The following GPC5 variants were observed in gnomAD, a reference collection of about 807,000 sequenced individuals.
GPC5 encodes the protein glypican 5.
Under a neutral mutation model 53.9 loss-of-function variants are expected in GPC5, and 47 were observed. The observed-to-expected ratio is 0.87, with a 90% confidence interval of 0.69 to 1.11. The LOEUF is 1.11. GPC5 is among the 50% of genes most tolerant of loss of function. The probability of loss-of-function intolerance (pLI) is 0.00; values close to 1 mark genes in which losing one functional copy is unlikely to be tolerated. For missense variants in GPC5, 748 were observed against 713.1 expected (o/e 1.05, Z -0.56); for synonymous variants, 286 against 263.3 (o/e 1.09, Z -0.84).
chr13:92,335,557 C>T (rs1288948083), intron 7 of GPC5, among the ~76,000 whole-genome samples: 1 of 152,142 alleles, frequency 6.6e-6, no homozygotes, highest in East Asian at 1.9e-4. Context: ...AATTTCTCCC[C>T]AGAAAATGGG....
At chr13:92,838,485 C>CA (rs1348914520) in intron 7 of GPC5, among the ~76,000 whole-genome samples, 1 of 145,518 alleles carries the variant, frequency 6.9e-6, no homozygotes, top group Non-Finnish European at 1.5e-5. Flanking sequence ...TCCGCGCCCC[C>CA]CCCAAAAAAA....
chr13:92,042,185 G>T (rs1188631352), intron 6 of GPC5, among the ~76,000 whole-genome samples: 1 of 152,082 alleles, frequency 6.6e-6, no homozygotes, highest in African/African-American at 2.4e-5. Context: ...CAGCCTCCAA[G>T]GTAAAGCCTT....
rs1368107910 is a variant in GPC5, at chr13:92,612,461, G to A, written c.1562-253821G>A. ...ACATATGATATAAATAAAGGAATAAGTTATTCAGTGAGGCCAGTAAAGCAT... is the reference window on the plus strand; with the variant it reads ...ACATATGATATAAATAAAGGAATAAATTATTCAGTGAGGCCAGTAAAGCAT... On this transcript the variant is annotated intron_variant, in intron 7 of 7. Transcript: ENST00000377067. Among the ~76,000 whole-genome samples, 3 of 152,152 alleles carry A rather than the reference G, an allele frequency of 2.0e-5. No individual in the cohort carries two copies. The East Asian group carries it at 5.8e-4, about 29-fold the overall frequency.
At chr13:92,761,257 C>A (rs986736900) in intron 7 of GPC5, among the ~76,000 whole-genome samples, 12 of 152,298 alleles carry the variant, frequency 7.9e-5, no homozygotes, top group Admixed American at 1.3e-4. Flanking sequence ...TAACATCAAA[C>A]TTCTGGGCTC....
chr13:92,638,539 G>A, intron 7 of GPC5, among the ~76,000 whole-genome samples: 1 of 148,570 alleles, frequency 6.7e-6, no homozygotes, highest in African/African-American at 2.4e-5. Flanking sequence ...CCCATCCCAA[G>A]TCAGCTTCCT....
At chr13:92,294,442 C>A (rs2043019404) in intron 7 of GPC5, among the ~76,000 whole-genome samples, 1 of 152,112 alleles carries the variant, frequency 6.6e-6, no homozygotes, top group African/African-American at 2.4e-5. Context: ...TTGTATCTTT[C>A]CAGGAATTTA....
At position 91,728,668 on chromosome 13, in the gene GPC5, A is replaced by T; in HGVS notation, c.1154+3A>T. 1 of 1,607,916 alleles carries T rather than the reference A, an allele frequency of 6.2e-7. No homozygotes were observed. The highest frequency in any genetic ancestry group is 8.5e-7 in the Non-Finnish European group (1 of 1,177,242). On this transcript the variant is annotated splice_donor_region_variant and intron_variant, in intron 4 of 7. Transcript: ENST00000377067. ...GAGACGCTTGCCAACAGAAGAAAGTAAGACATTTGTTTTACAACCAGAAAG... is the reference window on the plus strand; with the variant it reads ...GAGACGCTTGCCAACAGAAGAAAGTTAGACATTTGTTTTACAACCAGAAAG...
intron 6 of GPC5, among the ~76,000 whole-genome samples, chr13:92,051,951 G>C (rs553513039): frequency 6.6e-6 from 1 of 152,282 alleles, no homozygotes; most frequent in East Asian, 1.9e-4. Flanking sequence ...TGCTTTTATA[G>C]TTCCAAACCT....
At chr13:91,784,381 A>T (rs925684762) in intron 5 of GPC5, among the ~76,000 whole-genome samples, 7 of 152,176 alleles carry the variant, frequency 4.6e-5, no homozygotes, top group African/African-American at 1.7e-4. Context: ...AACAAGTTGC[A>T]AATTGGAGAA....
intron 7 of GPC5, among the ~76,000 whole-genome samples, chr13:92,234,239 C>T (rs1256130440): frequency 6.6e-6 from 1 of 152,190 alleles, no homozygotes; most frequent in African/African-American, 2.4e-5. Flanking sequence ...AGCACACTGA[C>T]TTCCACAATG....
At chr13:92,569,640 A>G (rs1882962269) in intron 7 of GPC5, among the ~76,000 whole-genome samples, 1 of 152,160 alleles carries the variant, frequency 6.6e-6, no homozygotes, top group African/African-American at 2.4e-5. Context: ...AGGGAACAGG[A>G]CAGAGACATT....
chr13:92,119,299 G>T (rs373877432), intron 6 of GPC5, among the ~76,000 whole-genome samples: 3 of 151,818 alleles, frequency 2.0e-5, no homozygotes, highest in Non-Finnish European at 2.9e-5. Context: ...GCCACAACAT[G>T]TGGGAATTAT....
At chr13:91,988,166 G>A (rs2040426314) in intron 6 of GPC5, among the ~76,000 whole-genome samples, 1 of 151,662 alleles carries the variant, frequency 6.6e-6, no homozygotes, top group Non-Finnish European at 1.5e-5. Flanking sequence ...AGAGGCAGAA[G>A]CCTTCACATT....
chr13:92,003,967 C>T (rs2040580302), intron 6 of GPC5, among the ~76,000 whole-genome samples: 1 of 152,162 alleles, frequency 6.6e-6, no homozygotes, highest in Admixed American at 6.5e-5. Flanking sequence ...AAAAGATCCT[C>T]CTACCTCCTC....
intron 6 of GPC5, among the ~76,000 whole-genome samples, chr13:92,022,398 T>C (rs541750377): frequency 6.6e-6 from 1 of 152,206 alleles, no homozygotes; most frequent in Admixed American, 6.5e-5. Flanking sequence ...AACATATGAA[T>C]AGACTGGGAA....
intron 2 of GPC5, among the ~76,000 whole-genome samples, chr13:91,529,979 A>C (rs1886263621): frequency 6.6e-6 from 1 of 152,032 alleles, no homozygotes; most frequent in Non-Finnish European, 1.5e-5. Flanking sequence ...GGTCCTTAGT[A>C]GTGACATATC....
intron 7 of GPC5, among the ~76,000 whole-genome samples, chr13:92,669,297 T>G (rs1276694627): frequency 1.3e-5 from 2 of 152,154 alleles, no homozygotes; most frequent in African/African-American, 4.8e-5. Context: ...TATTTCACCA[T>G]GACTATGCAT....
rs117771047 is a variant in GPC5, at chr13:91,848,820, G to A, written c.1281-59117G>A. On this transcript the variant is annotated intron_variant, in intron 5 of 7. Coordinates refer to ENST00000377067, the MANE Select transcript of GPC5 (RefSeq NM_004466.6). ...TATGTACTTGAAAGTCAATTGTTAC[G>A]CAAATAATTTACAAGATAGTACAAT... 2.4e-3 allele frequency among the ~76,000 whole-genome samples: 365 copies of A among 152,198 alleles called. 7 individuals carry two copies. In the East Asian group the frequency reaches 0.055, roughly 23 times the overall value.
intron 7 of GPC5, among the ~76,000 whole-genome samples, chr13:92,372,073 C>A (rs956268939): frequency 6.6e-6 from 1 of 152,096 alleles, no homozygotes; most frequent in Non-Finnish European, 1.5e-5. Flanking sequence ...TCTGAATGAA[C>A]AAGAAAGAAA....
Sources: gnomAD v4.1 joint callset for allele counts (sites outside exome capture counted in the v4.1 genomes callset) on GRCh38, gnomAD v4.1.1 for gene constraint, MANE v1.5 for transcripts, NCBI Gene and HGNC (gene_info 2026-07-23, HGNC 2026-07-21) for gene names.